The following ATP11A variants were observed in gnomAD, a reference collection of about 807,000 sequenced individuals.
ATP11A encodes the protein ATPase phospholipid transporting 11A.
Under a neutral mutation model 154.4 loss-of-function variants are expected in ATP11A, and 81 were observed. The observed-to-expected ratio is 0.52, with a 90% CI of 0.44 to 0.63. ATP11A has a LOEUF of 0.63. Ranked by LOEUF, ATP11A falls within the 30% of genes least tolerant of loss-of-function variation. ATP11A has a pLI of 0.00. For missense variants in ATP11A, 1,316 were observed against 1,474.3 expected (o/e 0.89, Z 1.76); for synonymous variants, 623 against 585.9 (o/e 1.06, Z -0.91).
intron 17 of ATP11A, among the ~76,000 whole-genome samples, chr13:112,846,290 CG>C (rs2079605130): frequency 6.6e-6 from 1 of 152,124 alleles, no homozygotes; most frequent in Non-Finnish European, 1.5e-5. Context: ...ACTCAACTGC[CG>C]GATGTTGTCT....
intron 21 of ATP11A, 61 bp from the exon 22 acceptor site, chr13:112,858,083 TC>T: frequency 2.5e-6 from 4 of 1,595,264 alleles, no homozygotes; most frequent in Non-Finnish European, 3.4e-6. Flanking sequence ...CTTCTCCCCG[TC>T]CCTGCCCTGT....
At chr13:112,745,512 C>G (rs1286670548) in intron 1 of ATP11A, 1 of 152,200 alleles carries the variant, frequency 6.6e-6, no homozygotes, top group Non-Finnish European at 1.5e-5. Flanking sequence ...TAAGCTCTTA[C>G]TGTGTACCCT....
chr13:112,733,008 A>G (rs777876548), intron 1 of ATP11A, among the ~76,000 whole-genome samples: 2 of 152,234 alleles, frequency 1.3e-5, no homozygotes, highest in Non-Finnish European at 2.9e-5. Flanking sequence ...AGTTGGAGCA[A>G]TAGACACAGG....
At chr13:112,846,675 G>A (rs900992994) in intron 17 of ATP11A, among the ~76,000 whole-genome samples, 3 of 152,220 alleles carry the variant, frequency 2.0e-5, no homozygotes, top group Non-Finnish European at 4.4e-5. Context: ...GGGCAGGGAC[G>A]GTGCCCCTGC....
In ATP11A at chr13:112,816,188, T is replaced by G. The variant is rs1393059875; in HGVS notation, c.547T>G (p.Leu183Val). The change falls in exon 6 of 30, where the codon TTG (leucine) becomes GTG (valine). Residue 183 changes from leucine to valine, a missense_variant. By Grantham distance (32) the Leu-to-Val change is conservative. Coordinates refer to ENST00000375645, the MANE Select transcript of ATP11A (RefSeq NM_015205.3). ...DGTCHVTTAS[L>V]DGESSHKTHY... is the part of the protein sequence containing the mutation. Reference sequence around the variant, plus strand: ...GACGTGCCACGTCACCACCGCCAGCTTGGATGGAGAATCCAGCCATAAAGT... The same window carrying G: ...GACGTGCCACGTCACCACCGCCAGCGTGGATGGAGAATCCAGCCATAAAGT... 6.2e-7 allele frequency: 1 copy of G among 1,614,186 alleles called. No individual in the cohort carries two copies. The highest frequency in any genetic ancestry group is 8.5e-7 in the Non-Finnish European group (1 of 1,180,038).
At position 112,746,732 on chromosome 13, in the gene ATP11A, AAG is replaced by A. The variant is rs1892206326; in HGVS notation, c.40-38401_40-38400del. On this transcript the variant is annotated intron_variant, in intron 1 of 29. Coordinates refer to ENST00000375645, the MANE Select transcript of ATP11A (RefSeq NM_015205.3). This position sits in a 1 kb window ranked among gnomAD's most constrained non-coding sequence, Gnocchi z 4.1. ...GGCTAATTAAAAAAAAAAAAAAAAA[AAG>A]ACAACTTTTTTTGGAGAGGGAGGGT... The A allele has an allele frequency of 6.6e-6, 1 of 151,222 alleles. No individual in the cohort carries two copies. Among genetic ancestry groups the A allele is most frequent in the African/African-American group, 2.4e-5 (1 of 41,076 alleles). 9.4% of individuals were successfully genotyped at this position (151,222 alleles called of 1,614,324 possible).
chr13:112,767,793 C>G (rs1055818909), intron 1 of ATP11A, among the ~76,000 whole-genome samples: 3 of 152,132 alleles, frequency 2.0e-5, no homozygotes, highest in African/African-American at 7.2e-5. Context: ...GACTCCAGAG[C>G]GTGAGTGCGT....
intron 1 of ATP11A, among the ~76,000 whole-genome samples, chr13:112,739,066 C>T (rs1891279173): frequency 6.6e-6 from 1 of 152,150 alleles, no homozygotes; most frequent in Non-Finnish European, 1.5e-5. Flanking sequence ...ATTAGGCGAT[C>T]TTTTCTTAGA....
intron 15 of ATP11A, 119 bp from the exon 16 acceptor site, chr13:112,836,059 T>TC: frequency 1.6e-6 from 1 of 631,584 alleles, no homozygotes; most frequent in Non-Finnish European, 2.8e-6. Flanking sequence ...CCTCTGTGTG[T>TC]CCCCTGAGGA....
intron 1 of ATP11A, among the ~76,000 whole-genome samples, chr13:112,695,441 A>G (rs778305035): frequency 1.2e-4 from 18 of 152,208 alleles, no homozygotes; most frequent in Non-Finnish European, 2.5e-4. Context: ...CAGATGCATA[A>G]TTTCACCTTT....
rs2079138036 is a variant in ATP11A at position 112,832,977 on chromosome 13, A to G, written c.1513A>G (p.Ile505Val). 6.2e-7 allele frequency: 1 copy of G among 1,613,764 alleles called. No homozygotes were observed. The highest frequency in any genetic ancestry group is 8.5e-7 in the Non-Finnish European group (1 of 1,179,906). ...GGACGGGGGGAAATCCTGTGTGTACATCTCATCCTCGCCCGACGAGGTGGC... is the reference window on the plus strand; with the variant it reads ...GGACGGGGGGAAATCCTGTGTGTACGTCTCATCCTCGCCCGACGAGGTGGC... ...SPDGGKSCVY[I>V]SSSPDEVALV... is the part of the protein sequence containing the mutation. Residue 505 changes from isoleucine to valine, a missense_variant, in exon 14 of 30, where the codon ATC becomes GTC. By Grantham distance (29) the Ile-to-Val change is conservative. Transcript: ENST00000375645.
At chr13:112,776,628 A>ATCTG (rs1478724565) in intron 1 of ATP11A, among the ~76,000 whole-genome samples, 1 of 152,078 alleles carries the variant, frequency 6.6e-6, no homozygotes, top group Non-Finnish European at 1.5e-5. Context: ...CAGAGTCTCA[A>ATCTG]TCTGTCGTCC....
intron 1 of ATP11A, among the ~76,000 whole-genome samples, chr13:112,706,882 ACAT>A (rs1887194811): frequency 6.6e-6 from 1 of 152,254 alleles, no homozygotes; most frequent in Admixed American, 6.5e-5. Flanking sequence ...GTTATGCCAC[ACAT>A]CATTTTAATG....
intron 1 of ATP11A, among the ~76,000 whole-genome samples, chr13:112,752,408 T>TGGA (rs1043106405): frequency 1.1e-4 from 17 of 151,710 alleles, no homozygotes; most frequent in African/African-American, 3.4e-4. Flanking sequence ...TTCCCGGGGG[T>TGGA]GGAGAGTGCA....
chr13:112,795,461 G>T (rs910163661), intron 2 of ATP11A, among the ~76,000 whole-genome samples: 1 of 152,180 alleles, frequency 6.6e-6, no homozygotes, highest in Non-Finnish European at 1.5e-5. Context: ...TTCCCAGCTT[G>T]TGGCCAGCCT....
chr13:112,765,644 G>A (rs2139904423), intron 1 of ATP11A, among the ~76,000 whole-genome samples: 1 of 152,338 alleles, frequency 6.6e-6, no homozygotes, highest in East Asian at 1.9e-4. Flanking sequence ...ACGGGTTTGA[G>A]AGAGACCTAA....
intron 12 of ATP11A, among the ~76,000 whole-genome samples, chr13:112,829,874 T>C (rs1594816635): frequency 6.6e-6 from 1 of 152,218 alleles, no homozygotes; most frequent in Non-Finnish European, 1.5e-5. Flanking sequence ...CCAAAATCAG[T>C]AGTGATTCTA....
intron 1 of ATP11A, among the ~76,000 whole-genome samples, chr13:112,770,014 G>A (rs544806351): frequency 2.0e-4 from 31 of 152,304 alleles, no homozygotes; most frequent in Middle Eastern, 6.8e-3. Flanking sequence ...TGAGTCCAGC[G>A]GAGTCTGTTC....
In ATP11A at chr13:112,741,847, GTGCTC is replaced by G. The variant is rs142975670; in HGVS notation, c.40-43282_40-43278del. Reference sequence around the variant, plus strand: ...TGTTCCGGGTCCAGGGGAGTAAAGAGTGCTCTGCTCCCTGTGGAGGTGTACTTCTC... The same window carrying G: ...TGTTCCGGGTCCAGGGGAGTAAAGAGTGCTCCCTGTGGAGGTGTACTTCTC... On this transcript the variant is annotated intron_variant, in intron 1 of 29. Coordinates refer to ENST00000375645, the MANE Select transcript of ATP11A (RefSeq NM_015205.3). Among the ~76,000 whole-genome samples, 599 of 152,278 alleles carry G rather than the reference GTGCTC, an allele frequency of 3.9e-3. 4 individuals are homozygous for G. The highest frequency in any genetic ancestry group is 0.014 in the African/African-American group (565 of 41,542).
Sources: allele counts gnomAD v4.1 joint callset (sites outside exome capture counted in the v4.1 genomes callset), GRCh38; gene constraint gnomAD v4.1.1; non-coding constraint Gnocchi (gnomAD v3.1); transcripts MANE v1.5; gene names NCBI Gene and HGNC (gene_info 2026-07-23, HGNC 2026-07-21).